ADCY2: variants seen among roughly 807,000 people sequenced by gnomAD.
ADCY2 encodes the protein adenylate cyclase 2, also known as adenylate cyclase type 2.
A neutral mutation model predicts 125.2 loss-of-function variants in ADCY2; 31 were observed. The observed-to-expected ratio is 0.25, with a 90% CI of 0.19 to 0.33. The LOEUF is 0.33. Ranked by LOEUF, ADCY2 falls within the 10% of genes least tolerant of loss-of-function variation. The probability of loss-of-function intolerance (pLI) is 1.00; values close to 1 mark genes in which losing one functional copy is unlikely to be tolerated. For synonymous variants in ADCY2, 512 were observed against 548.4 expected (o/e 0.93, Z 0.93); for missense variants, 904 against 1,418.2 (o/e 0.64, Z 5.82).
At chr5:7,422,047 G>A (rs1379737441) in intron 2 of ADCY2, among the ~76,000 whole-genome samples, 11 of 152,084 alleles carry the variant, frequency 7.2e-5, no homozygotes, top group Admixed American at 7.2e-4. Flanking sequence ...TCCTGTCATG[G>A]AAGTGTTTCT....
At chr5:7,552,214 A>T (rs916487631) in intron 3 of ADCY2, among the ~76,000 whole-genome samples, 1 of 152,170 alleles carries the variant, frequency 6.6e-6, no homozygotes, top group Non-Finnish European at 1.5e-5. Flanking sequence ...ACTGGGATAA[A>T]CCTCTTCAAA....
Position 7,693,413 on chromosome 5 carries a change from G to GTTT in ADCY2, c.870-2318_870-2316dup, listed in dbSNP as rs70940751. On this transcript the variant is annotated intron_variant, in intron 5 of 24. Coordinates refer to ENST00000338316, the MANE Select transcript of ADCY2 (RefSeq NM_020546.3). ...GCATCACAATTGCCTGCTGTTTTTT[G>GTTT]TTTTTTTTTTTTTTTTTTTTTTTGA... Among the ~76,000 whole-genome samples the GTTT allele has an allele frequency of 4.9e-3, 160 of 32,382 alleles. 2 individuals carry two copies. Among genetic ancestry groups the GTTT allele is most frequent in the Admixed American group, 7.3e-3 (18 of 2,456 alleles). The allele number at this position is 32,382 out of a possible 152,430, so 21.2% of individuals were successfully genotyped here.
At chr5:7,456,949 A>G (rs147918478) in intron 2 of ADCY2, among the ~76,000 whole-genome samples, 92 of 152,332 alleles carry the variant, frequency 6.0e-4, no homozygotes, top group African/African-American at 2.1e-3. Context: ...GTGATTGTCA[A>G]TGTGTGGGGC....
chr5:7,538,444 A>G (rs1483125392), intron 3 of ADCY2, among the ~76,000 whole-genome samples: 1 of 152,194 alleles, frequency 6.6e-6, no homozygotes, highest in Non-Finnish European at 1.5e-5. Flanking sequence ...TAAGTGTCCA[A>G]TAAACGGTGG....
At chr5:7,545,605 G>T (rs766402628) in intron 3 of ADCY2, among the ~76,000 whole-genome samples, 1 of 152,082 alleles carries the variant, frequency 6.6e-6, no homozygotes, top group Non-Finnish European at 1.5e-5. Context: ...TTAGAAAAGG[G>T]GTTTATTTCT....
Position 7,784,362 on chromosome 5 carries a change from T to C in ADCY2, c.2385-3T>C. 10 of 1,611,882 alleles carry C rather than the reference T, an allele frequency of 6.2e-6. No individual in the cohort carries two copies. Among genetic ancestry groups the C allele is most frequent in the Non-Finnish European group, 8.5e-6 (10 of 1,178,160 alleles). ...GTCTGTTTGTCTGTCTGTTTTTTAA[T>C]AGACCAGGCATTTGGAAAGACCTGA... On this transcript the variant is annotated splice_region_variant and splice_polypyrimidine_tract_variant and intron_variant, in intron 18 of 24. Coordinates refer to ENST00000338316, the MANE Select transcript of ADCY2 (RefSeq NM_020546.3).
intron 4 of ADCY2, among the ~76,000 whole-genome samples, chr5:7,646,024 A>G (rs1277477027): frequency 6.6e-6 from 1 of 152,236 alleles, no homozygotes; most frequent in Non-Finnish European, 1.5e-5. Context: ...GTGGATTCAG[A>G]AAATGCAACT....
At chr5:7,749,985 C>T (rs1742753955) in intron 15 of ADCY2, among the ~76,000 whole-genome samples, 1 of 152,144 alleles carries the variant, frequency 6.6e-6, no homozygotes, top group South Asian at 2.1e-4. Context: ...CATCTTTCTA[C>T]TTTCAGCTTT....
chr5:7,761,656 G>A (rs558559288), intron 16 of ADCY2, among the ~76,000 whole-genome samples: 4 of 152,096 alleles, frequency 2.6e-5, no homozygotes, highest in Admixed American at 6.5e-5. Flanking sequence ...ATTTCTTTTC[G>A]TAACATCTAG....
chr5:7,437,982 C>T (rs184799672), intron 2 of ADCY2, among the ~76,000 whole-genome samples: 137 of 152,284 alleles, frequency 9.0e-4, no homozygotes, highest in African/African-American at 3.0e-3. Flanking sequence ...TTAGACTAAA[C>T]CCTGTGCAAT....
At chr5:7,442,678 A>G (rs988990273) in intron 2 of ADCY2, among the ~76,000 whole-genome samples, 9 of 151,932 alleles carry the variant, frequency 5.9e-5, no homozygotes, top group Admixed American at 3.9e-4. Flanking sequence ...TTGTTTCTCT[A>G]CTTTTCTTGA....
At chr5:7,730,915 G>A (rs1014844274) in intron 14 of ADCY2, among the ~76,000 whole-genome samples, 6 of 151,994 alleles carry the variant, frequency 3.9e-5, no homozygotes, top group African/African-American at 1.4e-4. Flanking sequence ...TTTTCAATCT[G>A]AGGACACATA....
At chr5:7,614,587 C>T (rs1007662570) in intron 3 of ADCY2, among the ~76,000 whole-genome samples, 1 of 152,186 alleles carries the variant, frequency 6.6e-6, no homozygotes, top group Non-Finnish European at 1.5e-5. Flanking sequence ...TGGGTGGTCC[C>T]TGTTTGCTGC....
chr5:7,678,386 T>C (rs1356313525), intron 4 of ADCY2, among the ~76,000 whole-genome samples: 1 of 152,168 alleles, frequency 6.6e-6, no homozygotes, highest in African/African-American at 2.4e-5. Context: ...TCATCAGCCC[T>C]AGAAAGATCA....
intron 15 of ADCY2, among the ~76,000 whole-genome samples, chr5:7,750,860 T>C (rs923891405): frequency 1.3e-5 from 2 of 152,246 alleles, no homozygotes; most frequent in Middle Eastern, 3.4e-3. Flanking sequence ...CTGTGTATTC[T>C]CTACCACAGA....
At chr5:7,782,950 A>G (rs915307546) in intron 18 of ADCY2, among the ~76,000 whole-genome samples, 5 of 152,168 alleles carry the variant, frequency 3.3e-5, no homozygotes, top group African/African-American at 9.7e-5. Context: ...CTTCATTCTC[A>G]GAGAGAAATG....
At chr5:7,429,385 G>C (rs1267697510) in intron 2 of ADCY2, among the ~76,000 whole-genome samples, 1 of 152,118 alleles carries the variant, frequency 6.6e-6, no homozygotes. Context: ...AAGGATATAG[G>C]AGATTTGAAA....
intron 20 of ADCY2, chr5:7,795,043 G>T (rs1452368973): frequency 1.3e-5 from 2 of 152,126 alleles, no homozygotes; most frequent in Non-Finnish European, 2.9e-5. Context: ...CAAGAGCAGT[G>T]CTTCTGAAAG....
At chr5:7,550,730 GC>G (rs1351208668) in intron 3 of ADCY2, among the ~76,000 whole-genome samples, 1 of 152,000 alleles carries the variant, frequency 6.6e-6, no homozygotes, top group Non-Finnish European at 1.5e-5. Context: ...CTTACCTGAG[GC>G]AGCGCCCATC....
Sources: allele counts gnomAD v4.1 joint callset (sites outside exome capture counted in the v4.1 genomes callset), GRCh38; gene constraint gnomAD v4.1.1; transcripts MANE v1.5; gene names NCBI Gene and HGNC (gene_info 2026-07-23, HGNC 2026-07-21).